The following LRP5 variants were observed in gnomAD, a reference collection of about 807,000 sequenced individuals.
LRP5 encodes the protein LDL receptor related protein 5, also known as low-density lipoprotein receptor-related protein 5.
A neutral mutation model predicts 154.1 loss-of-function variants in LRP5; 62 were observed. The ratio of observed to expected loss-of-function variants is 0.40; its 90% CI spans 0.33 to 0.50. The LOEUF (loss-of-function observed/expected upper bound fraction) is 0.50. Ranked by LOEUF, LRP5 falls within the 20% of genes least tolerant of loss-of-function variation. The pLI is 0.55. For missense variants in LRP5, 1,915 were observed against 2,336.7 expected, an observed-to-expected ratio of 0.82 and a Z score of 3.72; for synonymous variants, 966 against 1,011.5, an observed-to-expected ratio of 0.96 and a Z score of 0.85.
In LRP5 at chr11:68,415,852, C is replaced by G. The variant is rs1193451005; in HGVS notation, c.2828-476C>G. ...CGGGCGGATGACAAGGTCAGGAGAT[C>G]GAGACCATCCTGGCTAACACGGTGA... On this transcript the variant is annotated intron_variant, in intron 12 of 22. Coordinates refer to ENST00000294304, the MANE Select transcript of LRP5 (RefSeq NM_002335.4). 2.8e-5 allele frequency among the ~76,000 whole-genome samples: 2 copies of G among 71,086 alleles called. 1 individual carries two copies. Among genetic ancestry groups the G allele is most frequent in the East Asian group, 1.1e-3 (2 of 1,766 alleles). 46.6% of individuals were successfully genotyped at this position (71,086 alleles called of 152,430 possible).
intron 7 of LRP5, among the ~76,000 whole-genome samples, chr11:68,400,166 C>T (rs1157463833): frequency 6.6e-6 from 1 of 152,152 alleles, no homozygotes; most frequent in Admixed American, 6.6e-5. Flanking sequence ...GGTGGAACAG[C>T]CCGTCGCCTC....
chr11:68,443,715 G>A (rs2098679906), intron 21 of LRP5, among the ~76,000 whole-genome samples: 2 of 148,502 alleles, frequency 1.3e-5, no homozygotes. Flanking sequence ...CTGGAGTGCA[G>A]TGGCGCAATC....
intron 7 of LRP5, 76 bp downstream of exon 7, chr11:68,390,128 G>A (rs2098645501): frequency 3.2e-6 from 5 of 1,553,010 alleles, no homozygotes; most frequent in South Asian, 2.3e-5. Flanking sequence ...ACGTATTGGC[G>A]AGGCACCGAT....
intron 17 of LRP5, among the ~76,000 whole-genome samples, chr11:68,433,170 T>A (rs2098672904): frequency 6.6e-6 from 1 of 152,172 alleles, no homozygotes; most frequent in Admixed American, 6.5e-5. Flanking sequence ...GCCCCTCTGG[T>A]CCTGAGGAGG....
At chr11:68,346,487 T>C (rs2098613049) in intron 1 of LRP5, among the ~76,000 whole-genome samples, 1 of 152,256 alleles carries the variant, frequency 6.6e-6, no homozygotes, top group Non-Finnish European at 1.5e-5. Flanking sequence ...TGTTCCCAGC[T>C]ACCCTCATAG....
chr11:68,344,169 G>A (rs572740880), intron 1 of LRP5, among the ~76,000 whole-genome samples: 5 of 152,244 alleles, frequency 3.3e-5, no homozygotes, highest in African/African-American at 1.2e-4. Context: ...TTGACCCTGA[G>A]TTTTCTTCGT....
At chr11:68,448,760 G>C (rs1474382796) in intron 22 of LRP5, 49 bp from the exon 23 acceptor site, 4 of 1,599,006 alleles carry the variant, frequency 2.5e-6, no homozygotes, top group African/African-American at 1.3e-5. Flanking sequence ...GTGCCCACCA[G>C]GGCGGATGTG....
chr11:68,300,158 C>A, the LRP5 span, among the ~76,000 whole-genome samples: 1 of 149,072 alleles, frequency 6.7e-6, no homozygotes, highest in Non-Finnish European at 1.5e-5. Context: ...TGGGAGCCAC[C>A]CCAAAGTACA....
At chr11:68,437,783 T>G (rs1378731427) in intron 19 of LRP5, among the ~76,000 whole-genome samples, 1 of 152,228 alleles carries the variant, frequency 6.6e-6, no homozygotes, top group Non-Finnish European at 1.5e-5. Context: ...AAGGGTCGCC[T>G]CCTCTGCTGG....
chr11:68,442,393 G>T (rs1321387445), intron 21 of LRP5, among the ~76,000 whole-genome samples: 2 of 152,106 alleles, frequency 1.3e-5, no homozygotes, highest in Non-Finnish European at 2.9e-5. Flanking sequence ...TCCTGCCTCA[G>T]TCCCCTCAAG....
intron 8 of LRP5, 154 bp downstream of exon 8, chr11:68,403,853 A>ATAC: frequency 1.2e-6 from 1 of 833,128 alleles, no homozygotes; most frequent in Non-Finnish European, 1.9e-6. Context: ...CCAAGGACAG[A>ATAC]TGGGAAGGGA....
intron 16 of LRP5, among the ~76,000 whole-genome samples, chr11:68,427,357 G>A (rs1256283567): frequency 1.3e-5 from 2 of 152,130 alleles, no homozygotes; most frequent in Non-Finnish European, 2.9e-5. Flanking sequence ...GCAACATGGT[G>A]AGAACCCATC....
chr11:68,435,980 C>A (rs1462310979), intron 18 of LRP5, among the ~76,000 whole-genome samples: 1 of 152,210 alleles, frequency 6.6e-6, no homozygotes, highest in African/African-American at 2.4e-5. Context: ...CCTACCTCGG[C>A]CTCCCAAAGT....
Position 68,365,631 on chromosome 11 carries a change from G to A in LRP5, c.944G>A (p.Ser315Asn). The A allele has an allele frequency of 6.2e-7, 1 of 1,613,322 alleles. No individual in the cohort carries two copies. The highest frequency in any genetic ancestry group is 1.7e-5 in the Admixed American group (1 of 59,974). The change falls in exon 5 of 23, where the codon AGC becomes AAC. Residue 315 changes from serine to asparagine, a missense_variant. Physicochemically the swap from Ser to Asn is conservative, Grantham distance 46. Around this residue, in one of 3 missense-constraint regions of LRP5, gnomAD observed 773 missense variants for 1,100.9 expected, o/e 0.70. Coordinates refer to ENST00000294304, the MANE Select transcript of LRP5 (RefSeq NM_002335.4). ...TCCCACCTGTGCCTGCTGTCCCCAA[G>A]CGAGCCTTTCTACACATGCGCCTGC... ...GCSHLCLLSP[S>N]EPFYTCACPT...
chr11:68,404,042 G>A (rs1342564218), intron 8 of LRP5: 5 of 450,956 alleles, frequency 1.1e-5, no homozygotes, highest in South Asian at 4.2e-5. Flanking sequence ...GGAGCAGGAC[G>A]CAGAGCCGTG....
chr11:68,323,144 T>A (rs2098597687), intron 1 of LRP5, among the ~76,000 whole-genome samples: 1 of 152,288 alleles, frequency 6.6e-6, no homozygotes, highest in Non-Finnish European at 1.5e-5. Context: ...AGTCTCGTTC[T>A]GTCTCCCAGG....
chr11:68,432,287 C>T (rs2098672346), intron 17 of LRP5, among the ~76,000 whole-genome samples: 1 of 152,230 alleles, frequency 6.6e-6, no homozygotes, highest in Non-Finnish European at 1.5e-5. Context: ...CATCTCAGGT[C>T]TGCCCCATGT....
In LRP5 at chr11:68,425,196, C is replaced by G; in HGVS notation, c.3331C>G (p.Leu1111Val). The G allele has an allele frequency of 6.2e-7, 1 of 1,613,672 alleles. No homozygotes were observed. Among genetic ancestry groups the G allele is most frequent in the Non-Finnish European group, 8.5e-7 (1 of 1,180,016 alleles). ...TEREVLFTTGLIRPVALVVDN... is the reference protein window; with the variant it reads ...TEREVLFTTGVIRPVALVVDN... ...GCGCGAGGTCCTCTTCACCACCGGC[C>G]TCATCCGCCCTGTGGCCCTGGTGGT... Residue 1111 changes from leucine (L) to valine (V), a missense_variant, in exon 15 of 23, where the codon CTC (leucine) becomes GTC (valine). Physicochemically the swap from Leu to Val is conservative, Grantham distance 32. Around this residue, in one of 3 missense-constraint regions of LRP5, gnomAD observed 1,094 missense variants for 1,210.1 expected, o/e 0.90. Coordinates refer to ENST00000294304, the MANE Select transcript of LRP5 (RefSeq NM_002335.4).
intron 19 of LRP5, 112 bp from the exon 20 acceptor site, chr11:68,438,334 C>A (rs2098676157): frequency 1.9e-6 from 2 of 1,050,350 alleles, no homozygotes. Flanking sequence ...TTTCTCCCCA[C>A]CCTCCACCAG....
Sources: gnomAD v4.1 joint callset for allele counts (sites outside exome capture counted in the v4.1 genomes callset) on GRCh38, gnomAD v4.1.1 for gene constraint, gnomAD v4.1.1 regional missense constraint, MANE v1.5 for transcripts, NCBI Gene and HGNC (gene_info 2026-07-23, HGNC 2026-07-21) for gene names.